Variants in EPHA6 observed in about 807,000 individuals in gnomAD.
EPHA6 encodes EPH receptor A6, also known as ephrin type-A receptor 6.
Under a neutral mutation model 112.0 loss-of-function variants are expected in EPHA6, and 50 were observed. The observed-to-expected ratio is 0.45, with a 90% confidence interval of 0.36 to 0.56. The LOEUF (loss-of-function observed/expected upper bound fraction) is 0.56. EPHA6 is among the 20% of genes least tolerant of loss of function. EPHA6 has a pLI of 0.00. For synonymous variants in EPHA6, 529 were observed against 490.7 expected, an observed-to-expected ratio of 1.08 and a Z score of -1.03; for missense variants, 1,280 against 1,417.4, an observed-to-expected ratio of 0.90 and a Z score of 1.56.
At chr3:97,192,591 T>C (rs2077336104) in intron 3 of EPHA6, among the ~76,000 whole-genome samples, 1 of 152,158 alleles carries the variant, frequency 6.6e-6, no homozygotes, top group African/African-American at 2.4e-5. Flanking sequence ...CTTCACTTTG[T>C]TGATTGTTTC....
At position 97,187,289 on chromosome 3, in the gene EPHA6, A is replaced by G. The variant is rs115589214; in HGVS notation, c.1115-38975A>G. Among the ~76,000 whole-genome samples, 233 of 152,216 alleles carry G rather than the reference A, an allele frequency of 1.5e-3. 1 individual carries two copies. The highest frequency in any genetic ancestry group is 0.01 in the Middle Eastern group (3 of 294). On this transcript the variant is annotated intron_variant, in intron 3 of 17. Transcript: ENST00000389672. ...CTTGATACTTCTACTTAGGAATGCC[A>G]TATATAAGCCGGGCACGGTGGCTCA...
intron 3 of EPHA6, among the ~76,000 whole-genome samples, chr3:97,159,492 C>A (rs972121686): frequency 6.4e-4 from 97 of 152,250 alleles, no homozygotes; most frequent in African/African-American, 2.1e-3. Context: ...AGTGGTGCTA[C>A]TTCTATTTTC....
At chr3:97,221,148 A>T (rs1321568933) in intron 3 of EPHA6, among the ~76,000 whole-genome samples, 1 of 151,814 alleles carries the variant, frequency 6.6e-6, no homozygotes, top group Non-Finnish European at 1.5e-5. Flanking sequence ...CCTCGACTCT[A>T]CTAAAAATGC....
At chr3:97,239,490 A>T (rs1255006156) in intron 4 of EPHA6, among the ~76,000 whole-genome samples, 1 of 151,936 alleles carries the variant, frequency 6.6e-6, no homozygotes, top group African/African-American at 2.4e-5. Context: ...ATTAGAATAT[A>T]AACAGTTGAT....
chr3:97,327,194 C>T (rs2082472648), intron 5 of EPHA6, among the ~76,000 whole-genome samples: 1 of 151,958 alleles, frequency 6.6e-6, no homozygotes. Context: ...TATAAAAGTA[C>T]TTTATAATGC....
Position 97,752,749 on chromosome 3 carries a change from T to C in EPHA6, c.*4048T>C, listed in dbSNP as rs1478699772. On this transcript the variant is annotated 3_prime_UTR_variant, in exon 18 of 18. Coordinates refer to ENST00000389672, the MANE Select transcript of EPHA6 (RefSeq NM_001080448.3). ...GTAATTTTGAAATGGATGATGATGATCCTTTTTAATTGCTTTAACTAAGGA... is the reference window on the plus strand; with the variant it reads ...GTAATTTTGAAATGGATGATGATGACCCTTTTTAATTGCTTTAACTAAGGA... Among the ~76,000 whole-genome samples, 1 of 152,110 alleles carries C rather than the reference T, an allele frequency of 6.6e-6. No homozygotes were observed. Among genetic ancestry groups the C allele is most frequent in the Non-Finnish European group, 1.5e-5 (1 of 67,984 alleles).
intron 3 of EPHA6, among the ~76,000 whole-genome samples, chr3:97,213,991 T>A (rs2077954185): frequency 7.3e-6 from 1 of 136,950 alleles, no homozygotes; most frequent in South Asian, 2.4e-4. Flanking sequence ...CATAATCTCA[T>A]GTGTTCTGTG....
At chr3:97,737,690 A>C (rs976557498) in intron 16 of EPHA6, among the ~76,000 whole-genome samples, 1 of 152,076 alleles carries the variant, frequency 6.6e-6, no homozygotes, top group Admixed American at 6.6e-5. Context: ...AGTTATATTT[A>C]TAGGTTGAAC....
intron 3 of EPHA6, among the ~76,000 whole-genome samples, chr3:97,171,654 G>A (rs1331183920): frequency 6.6e-6 from 1 of 152,060 alleles, no homozygotes; most frequent in Admixed American, 6.6e-5. Flanking sequence ...CAGAATTATA[G>A]CAAACTAGAG....
chr3:96,819,541 C>G (rs1229752037), intron 1 of EPHA6, among the ~76,000 whole-genome samples: 1 of 152,026 alleles, frequency 6.6e-6, no homozygotes, highest in Non-Finnish European at 1.5e-5. Context: ...GTTCATCAAC[C>G]AAATCCCAAC....
rs2081144813 is a variant in EPHA6, at chr3:97,302,703, A to G, written c.1606+58416A>G. On this transcript the variant is annotated intron_variant, in intron 5 of 17. Transcript: ENST00000389672. Reference sequence around the variant, plus strand: ...GTAGACAGTTTGATCTTTGCCTGGAAAGTTAAAGGCACAGCAAGACTTATT... The same window carrying G: ...GTAGACAGTTTGATCTTTGCCTGGAGAGTTAAAGGCACAGCAAGACTTATT... Among the ~76,000 whole-genome samples the G allele has an allele frequency of 2.0e-5, 3 of 151,900 alleles. No individual in the cohort carries two copies. In the South Asian group the frequency reaches 6.2e-4, roughly 31 times the overall value.
At chr3:97,508,169 T>C (rs2092293747) in intron 10 of EPHA6, among the ~76,000 whole-genome samples, 1 of 152,164 alleles carries the variant, frequency 6.6e-6, no homozygotes, top group Admixed American at 6.5e-5. Flanking sequence ...CTCCTTCACT[T>C]CTGCTCTGAT....
At chr3:96,910,737 C>T (rs2107601349) in intron 2 of EPHA6, among the ~76,000 whole-genome samples, 1 of 152,090 alleles carries the variant, frequency 6.6e-6, no homozygotes, top group South Asian at 2.1e-4. Context: ...CTTTACTCAA[C>T]CTGTCCAAAA....
In EPHA6 at chr3:97,755,961, A is replaced by G. The variant is rs2036015525; in HGVS notation, c.*7260A>G. ...GTCCTCTTCCACTGCTTTTATAATT[A>G]AAAATCTCTTTCCTACCTTTAGTAA... On this transcript the variant is annotated 3_prime_UTR_variant, in exon 18 of 18. Coordinates refer to ENST00000389672, the MANE Select transcript of EPHA6 (RefSeq NM_001080448.3). Among the ~76,000 whole-genome samples, 1 of 152,082 alleles carries G rather than the reference A, an allele frequency of 6.6e-6. No individual in the cohort carries two copies. Among genetic ancestry groups the G allele is most frequent in the Non-Finnish European group, 1.5e-5 (1 of 67,900 alleles).
intron 3 of EPHA6, among the ~76,000 whole-genome samples, chr3:97,027,728 C>T (rs922489477): frequency 2.3e-4 from 35 of 152,110 alleles, no homozygotes; most frequent in South Asian, 2.1e-4. Flanking sequence ...TTTATAACTG[C>T]GAGGAAATAG....
At chr3:97,043,283 C>G (rs952070261) in intron 3 of EPHA6, among the ~76,000 whole-genome samples, 1 of 152,112 alleles carries the variant, frequency 6.6e-6, no homozygotes, top group Non-Finnish European at 1.5e-5. Context: ...CAGACCAACT[C>G]TCCCTTGATA....
At chr3:97,141,480 T>A (rs1200582003) in intron 3 of EPHA6, among the ~76,000 whole-genome samples, 1 of 151,936 alleles carries the variant, frequency 6.6e-6, no homozygotes, top group Non-Finnish European at 1.5e-5. Context: ...ATATCAAGTA[T>A]CTTAAGATCT....
At chr3:97,623,233 T>G (rs762324369) in intron 13 of EPHA6, among the ~76,000 whole-genome samples, 3 of 151,808 alleles carry the variant, frequency 2.0e-5, no homozygotes, top group Admixed American at 1.3e-4. Flanking sequence ...TTTTATAACT[T>G]GAGGTCTTAC....
intron 5 of EPHA6, among the ~76,000 whole-genome samples, chr3:97,256,150 C>T (rs2079305157): frequency 6.6e-6 from 1 of 152,056 alleles, no homozygotes. Flanking sequence ...ATGTCATTCT[C>T]TAAACTTTTC....
Sources: allele counts gnomAD v4.1 joint callset (sites outside exome capture counted in the v4.1 genomes callset), GRCh38; gene constraint gnomAD v4.1.1; transcripts MANE v1.5; gene names NCBI Gene and HGNC (gene_info 2026-07-23, HGNC 2026-07-21).